Variants in ATP6V1C1 observed in about 807,000 individuals in gnomAD.
The protein encoded by ATP6V1C1 is V-type proton ATPase subunit C 1.
A neutral mutation model predicts 53.9 loss-of-function variants in ATP6V1C1; 45 were observed. The ratio of observed to expected loss-of-function variants is 0.83; its 90% CI spans 0.66 to 1.07. The LOEUF (loss-of-function observed/expected upper bound fraction) is 1.07, where lower values mean the gene tolerates loss of function less well. Among genes scored for constraint, ATP6V1C1 ranks in the 50% least tolerant of loss-of-function variants. The pLI is 0.00. For missense variants in ATP6V1C1, 315 were observed against 440.3 expected (o/e 0.72, Z 2.55); for synonymous variants, 153 against 155.2 (o/e 0.99, Z 0.11).
Position 103,063,043 on chromosome 8 carries a change from A to C in ATP6V1C1, c.730A>C (p.Asn244His). 1 of 1,613,800 alleles carries C rather than the reference A, an allele frequency of 6.2e-7. No individual in the cohort carries two copies. The highest frequency in any genetic ancestry group is 8.5e-7 in the Non-Finnish European group (1 of 1,179,822). The change falls in exon 9 of 13, where the codon AAC becomes CAC. Residue 244 changes from asparagine to histidine, a missense_variant. Asn to His is a moderately conservative substitution (Grantham distance 68). Coordinates refer to ENST00000518738, the MANE Select transcript of ATP6V1C1 (RefSeq NM_001695.5). The stretch of plus-strand genomic sequence containing the variant: ...TGACTTCAGACACAAAGCCAGAGAA[A>C]ACAAGTAAGATTATTGTTTTTTTGT... ...VDDFRHKARENKFIVRDFQYN... is the reference protein window; with the variant it reads ...VDDFRHKAREHKFIVRDFQYN...
Position 103,070,679 on chromosome 8 carries a change from C to T in ATP6V1C1, c.*1932C>T, listed in dbSNP as rs1817571930. The stretch of plus-strand genomic sequence containing the variant: ...TTTATTTAGACTTTACTGTTGTTCT[C>T]ATGAGAGTAGGTACAGACTGCATAA... On this transcript the variant is annotated 3_prime_UTR_variant, in exon 13 of 13. Transcript: ENST00000518738. 6.6e-6 allele frequency: 1 copy of T among 152,244 alleles called. No individual in the cohort carries two copies. The highest frequency in any genetic ancestry group is 2.4e-5 in the African/African-American group (1 of 41,470). 9.4% of individuals were successfully genotyped at this position (152,244 alleles called of 1,614,324 possible).
chr8:103,029,177 A>T (rs1816749714), intron 1 of ATP6V1C1, among the ~76,000 whole-genome samples: 1 of 151,992 alleles, frequency 6.6e-6, no homozygotes, highest in African/African-American at 2.4e-5. Context: ...AGGCCAAAGG[A>T]TATGCACATT....
intron 1 of ATP6V1C1, among the ~76,000 whole-genome samples, chr8:103,032,005 A>C (rs1168196866): frequency 1.2e-5 from 1 of 84,976 alleles, no homozygotes; most frequent in African/African-American, 3.1e-5. Context: ...ATATTGTAAA[A>C]AAAAAACAAA....
chr8:103,067,185 A>T (rs1244474831), intron 12 of ATP6V1C1, among the ~76,000 whole-genome samples: 1 of 151,908 alleles, frequency 6.6e-6, no homozygotes, highest in Admixed American at 6.6e-5. Flanking sequence ...GATCACCTTA[A>T]GTCAGGAGTT....
At chr8:103,024,054 A>G (rs1483652099) in intron 1 of ATP6V1C1, among the ~76,000 whole-genome samples, 1 of 152,186 alleles carries the variant, frequency 6.6e-6, no homozygotes. Flanking sequence ...GGAGGAAATA[A>G]TGAACAATAA....
intron 5 of ATP6V1C1, 68 bp downstream of exon 5, chr8:103,051,212 C>A: frequency 8.6e-7 from 1 of 1,157,806 alleles, no homozygotes; most frequent in Non-Finnish European, 1.2e-6. Context: ...TATAATTTCA[C>A]TATGAAATAC....
At chr8:103,024,812 G>T (rs1482381783) in intron 1 of ATP6V1C1, among the ~76,000 whole-genome samples, 2 of 152,156 alleles carry the variant, frequency 1.3e-5, no homozygotes, top group Non-Finnish European at 2.9e-5. Flanking sequence ...TATTCTTGAT[G>T]CTGAAACAAA....
chr8:103,042,015 G>A (rs547026103), intron 2 of ATP6V1C1, among the ~76,000 whole-genome samples: 1 of 152,182 alleles, frequency 6.6e-6, no homozygotes, highest in African/African-American at 2.4e-5. Flanking sequence ...ACCCTCTAGC[G>A]CACATCCGTG....
At chr8:103,035,379 A>G (rs2458292) in intron 1 of ATP6V1C1, among the ~76,000 whole-genome samples, 6,018 of 152,288 alleles carry the variant, frequency 0.04, 126 homozygotes, top group African/African-American at 0.047. Context: ...AGTCCCTGCT[A>G]TTGCCAGGAA....
chr8:103,025,517 T>C (rs1245297205), intron 1 of ATP6V1C1, among the ~76,000 whole-genome samples: 1 of 152,252 alleles, frequency 6.6e-6, no homozygotes, highest in African/African-American at 2.4e-5. Flanking sequence ...ATTTAAAATC[T>C]AGTGTTTGAT....
chr8:103,023,348 C>A (rs890019392), intron 1 of ATP6V1C1, among the ~76,000 whole-genome samples: 4 of 150,784 alleles, frequency 2.7e-5, no homozygotes, highest in Non-Finnish European at 4.4e-5. Flanking sequence ...AGGGGAGACC[C>A]GCTCAGGGGA....
chr8:103,059,751 T>G (rs1163928085), intron 8 of ATP6V1C1, among the ~76,000 whole-genome samples: 1 of 151,470 alleles, frequency 6.6e-6, no homozygotes, highest in Non-Finnish European at 1.5e-5. Flanking sequence ...CCCTAGCTGG[T>G]CTCCTTTTCT....
intron 8 of ATP6V1C1, among the ~76,000 whole-genome samples, chr8:103,058,583 GTTAA>G (rs1214054129): frequency 1.3e-5 from 2 of 152,312 alleles, no homozygotes; most frequent in East Asian, 1.9e-4. Context: ...CTTTACACAA[GTTAA>G]TTAATTATAG....
In ATP6V1C1 at chr8:103,063,235, G is replaced by A. The variant is rs900277884; in HGVS notation, c.828+7G>A. The A allele has an allele frequency of 6.4e-7, 1 of 1,555,394 alleles. No homozygotes were observed. Among genetic ancestry groups the A allele is most frequent in the Non-Finnish European group, 8.8e-7 (1 of 1,133,590 alleles). On this transcript the variant is annotated splice_region_variant and intron_variant, in intron 10 of 12. Coordinates refer to ENST00000518738, the MANE Select transcript of ATP6V1C1 (RefSeq NM_001695.5). ...TGATAAGAAAAAACAATTTGTATGTGTTTTTAATATTTAGTATTATCAGTA... is the reference window on the plus strand; with the variant it reads ...TGATAAGAAAAAACAATTTGTATGTATTTTTAATATTTAGTATTATCAGTA...
chr8:103,058,444 T>C (rs985396872), intron 8 of ATP6V1C1, among the ~76,000 whole-genome samples: 1 of 152,202 alleles, frequency 6.6e-6, no homozygotes, highest in African/African-American at 2.4e-5. Context: ...CAAATAGGCT[T>C]TTTTGAGTGA....
Position 103,053,864 on chromosome 8 carries a change from G to A in ATP6V1C1, c.474-20G>A. The A allele has an allele frequency of 6.4e-7, 1 of 1,563,036 alleles. No individual in the cohort carries two copies. The highest frequency in any genetic ancestry group is 8.8e-7 in the Non-Finnish European group (1 of 1,136,270). ...AGAAGCACATAATTATCAGCCTAAT[G>A]ATTTGTTTTAATTCCTCAGAGGAAG... On this transcript the variant is annotated intron_variant, in intron 6 of 12. Coordinates refer to ENST00000518738, the MANE Select transcript of ATP6V1C1 (RefSeq NM_001695.5).
At chr8:103,037,127 T>C (rs1487264146) in intron 1 of ATP6V1C1, among the ~76,000 whole-genome samples, 1 of 152,174 alleles carries the variant, frequency 6.6e-6, no homozygotes, top group African/African-American at 2.4e-5. Context: ...GGTGGTGATG[T>C]GATCCAGGTG....
At chr8:103,049,036 A>C (rs532558167) in intron 4 of ATP6V1C1, 81 bp downstream of exon 4, 2 of 1,345,570 alleles carry the variant, frequency 1.5e-6, no homozygotes, top group African/African-American at 2.9e-5. Context: ...GTAATGTAAA[A>C]AAGTCTACAG....
At chr8:103,050,591 G>A (rs1289256789) in intron 4 of ATP6V1C1, among the ~76,000 whole-genome samples, 1 of 152,142 alleles carries the variant, frequency 6.6e-6, no homozygotes, top group African/African-American at 2.4e-5. Flanking sequence ...AAGGGTCCAT[G>A]TTTTGAAAAT....
Sources: gnomAD v4.1 joint callset for allele counts (sites outside exome capture counted in the v4.1 genomes callset) on GRCh38, gnomAD v4.1.1 for gene constraint, MANE v1.5 for transcripts, NCBI Gene and HGNC (gene_info 2026-07-23, HGNC 2026-07-21) for gene names.